Variants in MMEL1 observed in about 807,000 individuals in gnomAD.
The protein encoded by MMEL1 is membrane metallo-endopeptidase-like 1.
A neutral mutation model predicts 117.1 loss-of-function variants in MMEL1; 98 were observed. The ratio of observed to expected loss-of-function variants is 0.84; its 90% CI spans 0.71 to 0.99. MMEL1 has a LOEUF of 0.99. Among genes scored for constraint, MMEL1 ranks in the 50% least tolerant of loss-of-function variants. MMEL1 has a pLI of 0.00. For synonymous variants in MMEL1, 390 were observed against 415.1 expected, an observed-to-expected ratio of 0.94 and a Z score of 0.74; for missense variants, 1,014 against 1,049.1, an observed-to-expected ratio of 0.97 and a Z score of 0.46.
intron 1 of MMEL1, 188 bp from the exon 2 acceptor site, chr1:2,629,709 C>T (rs186194316): frequency 1.1e-5 from 6 of 522,720 alleles, no homozygotes; most frequent in African/African-American, 2.0e-5. Flanking sequence ...ACCCCTGGGC[C>T]GGAATCTCTG....
rs35881431 is a variant in MMEL1, at chr1:2,617,426, C to CAAA, written c.155-5225_155-5223dup. Among the ~76,000 whole-genome samples the CAAA allele has an allele frequency of 2.9e-3, 164 of 56,120 alleles. 14 individuals are homozygous for CAAA. The highest frequency in any genetic ancestry group is 0.012 in the African/African-American group (155 of 13,006). 36.8% of individuals were successfully genotyped at this position (56,120 alleles called of 152,430 possible). A position where few individuals can be genotyped will look rare whatever the true frequency, so the allele number is the denominator to read the frequency against. Reference sequence around the variant, plus strand: ...TGGGCGACAGAGAGAGACTCCGTCTCAAAAAAAAAAAAAAAAAAAAAAAAT... The same window carrying CAAA: ...TGGGCGACAGAGAGAGACTCCGTCTCAAAAAAAAAAAAAAAAAAAAAAAAAAAT... On this transcript the variant is annotated intron_variant, in intron 2 of 23. Transcript: ENST00000378412.
At chr1:2,596,994 A>G (rs1644853577) in intron 13 of MMEL1, among the ~76,000 whole-genome samples, 1 of 151,514 alleles carries the variant, frequency 6.6e-6, no homozygotes, top group Non-Finnish European at 1.5e-5. Flanking sequence ...GCTCTCCAGG[A>G]CTCCAGCCCC....
chr1:2,628,289 C>T lies in MMEL1; in HGVS notation c.154+1042G>A, dbSNP rs552398227. Reference sequence around the variant, plus strand: ...TGTACAGTGGCCAGCCATGCAGCCCCGGGCCGGGACGCCCTGCACATCCAC... The same window carrying T: ...TGTACAGTGGCCAGCCATGCAGCCCTGGGCCGGGACGCCCTGCACATCCAC... On this transcript the variant is annotated intron_variant, in intron 2 of 23. Transcript: ENST00000378412. Among the ~76,000 whole-genome samples the T allele has an allele frequency of 5.9e-5, 9 of 152,360 alleles. No individual in the cohort carries two copies. In the East Asian group the frequency reaches 1.7e-3, roughly 29 times the overall value.
At position 2,604,299 on chromosome 1, in the gene MMEL1, G is replaced by A. The variant is rs778557348; in HGVS notation, c.817-18C>T. On this transcript the variant is annotated intron_variant, in intron 9 of 23. Coordinates refer to ENST00000378412, the MANE Select transcript of MMEL1 (RefSeq NM_033467.4). ...TCCCGCACCTGGGCCAAAGGACGCC[G>A]GGCAGAGCTGGGTGGCCTCAGCCAC... The A allele has an allele frequency of 4.7e-5, 75 of 1,611,064 alleles. No individual in the cohort carries two copies. The highest frequency in any genetic ancestry group is 2.9e-4 in the East Asian group (13 of 44,878).
intron 2 of MMEL1, among the ~76,000 whole-genome samples, chr1:2,624,882 G>A (rs888451006): frequency 2.6e-5 from 4 of 152,186 alleles, no homozygotes; most frequent in African/African-American, 4.8e-5. Context: ...TACAATCATG[G>A]CAGAAGGCAA....
At chr1:2,599,919 G>A (rs529906320) in intron 11 of MMEL1, among the ~76,000 whole-genome samples, 1 of 151,578 alleles carries the variant, frequency 6.6e-6, no homozygotes, top group Admixed American at 6.6e-5. Context: ...TAAAGGAAAT[G>A]TATGAAGCAG....
Position 2,629,509 on chromosome 1 carries a change from A to T in MMEL1, c.-25T>A. On this transcript the variant is annotated 5_prime_UTR_variant, in exon 2 of 24. Transcript: ENST00000378412. The stretch of plus-strand genomic sequence containing the variant: ...TCAGCAGGGCTCTGGACGGGAGAGC[A>T]CCGCGGAGGAACCTGCAGGCCCAGG... The T allele has an allele frequency of 6.9e-7, 1 of 1,447,244 alleles. No homozygotes were observed. The highest frequency in any genetic ancestry group is 9.1e-7 in the Non-Finnish European group (1 of 1,097,452). The allele number at this position is 1,447,244 out of a possible 1,614,324, so 89.7% of individuals were successfully genotyped here. A position where few individuals can be genotyped will look rare whatever the true frequency, so the allele number is the denominator to read the frequency against.
In MMEL1 at chr1:2,629,380, C is replaced by T; in HGVS notation, c.105G>A (p.Leu35=). Reference sequence around the variant, plus strand: ...CCAAGGCCACCAGGGCAGCGGTCACCAGCAGCAGCAGCAGCAGCAGCCCCC... The same window carrying T: ...CCAAGGCCACCAGGGCAGCGGTCACTAGCAGCAGCAGCAGCAGCAGCCCCC... ...LEGGLLLLLL[L]VTAALVALGV... The change falls in exon 2 of 24, where the codon CTG becomes CTA. Residue 35 remains leucine (L), a synonymous_variant. Transcript: ENST00000378412. 1 of 1,311,990 alleles carries T rather than the reference C, an allele frequency of 7.6e-7. No homozygotes were observed. The highest frequency in any genetic ancestry group is 1.7e-5 in the South Asian group (1 of 57,974). The allele number at this position is 1,311,990 out of a possible 1,614,324, so 81.3% of individuals were successfully genotyped here.
intron 6 of MMEL1, among the ~76,000 whole-genome samples, chr1:2,608,884 CAT>C (rs1377443413): frequency 3.3e-5 from 5 of 149,622 alleles, no homozygotes; most frequent in Admixed American, 1.3e-4. Flanking sequence ...CCACATGTAA[CAT>C]ATATAGATAC....
intron 1 of MMEL1, 141 bp downstream of exon 1, chr1:2,632,725 G>T: frequency 2.9e-6 from 1 of 346,632 alleles, no homozygotes; most frequent in Non-Finnish European, 4.1e-6. Flanking sequence ...GCACAGGCGA[G>T]ACTGCACACA....
chr1:2,606,160 G>A (rs1222516492), intron 8 of MMEL1, 88 bp downstream of exon 8: 8 of 1,061,636 alleles, frequency 7.5e-6, no homozygotes, highest in African/African-American at 3.1e-5. Context: ...GCTCCCTGTC[G>A]GCCTGGCCCA....
At chr1:2,592,300 A>AGTG (rs1357579325) in intron 21 of MMEL1, among the ~76,000 whole-genome samples, 2 of 95,820 alleles carry the variant, frequency 2.1e-5, no homozygotes, top group Admixed American at 1.0e-4. Context: ...CCCCTGAGGC[A>AGTG]CTGGTGCCCC....
In MMEL1 at chr1:2,595,690, C is replaced by T. The variant is rs1434870671; in HGVS notation, c.1500+319G>A. On this transcript the variant is annotated intron_variant, in intron 15 of 23. Coordinates refer to ENST00000378412, the MANE Select transcript of MMEL1 (RefSeq NM_033467.4). The surrounding 1 kb of genome is among the most constrained non-coding windows in gnomAD (Gnocchi z 4.8). Reference sequence around the variant, plus strand: ...GGGTCCAGAGGAGCTTCTGGTGGGTCTGACCCTTGCTCCCGAGGCCACCGC... The same window carrying T: ...GGGTCCAGAGGAGCTTCTGGTGGGTTTGACCCTTGCTCCCGAGGCCACCGC... Among the ~76,000 whole-genome samples, 1 of 152,126 alleles carries T rather than the reference C, an allele frequency of 6.6e-6. No individual in the cohort carries two copies. Among genetic ancestry groups the T allele is most frequent in the Non-Finnish European group, 1.5e-5 (1 of 68,006 alleles).
rs556435198 is a variant in MMEL1 at position 2,591,796 on chromosome 1, C to T, written c.2163+136G>A. On this transcript the variant is annotated intron_variant, in intron 22 of 23. Coordinates refer to ENST00000378412, the MANE Select transcript of MMEL1 (RefSeq NM_033467.4). ...CAGCATTGAAATCCTGTCCAGCTCC[C>T]GCCCCCTGCCCCTCATGCTTTTCCC... The T allele has an allele frequency of 7.2e-4, 776 of 1,076,292 alleles. 3 individuals carry two copies. In the African/African-American group the frequency reaches 7.3e-3, roughly 10 times the overall value. 66.7% of individuals were successfully genotyped at this position (1,076,292 alleles called of 1,614,324 possible).
Position 2,594,787 on chromosome 1 carries a change from C to T in MMEL1, c.1688+3G>A. The T allele has an allele frequency of 6.2e-7, 1 of 1,612,330 alleles. No homozygotes were observed. The highest frequency in any genetic ancestry group is 8.5e-7 in the Non-Finnish European group (1 of 1,178,760). ...CCCATGCCGCACCAGCGATGCCACTCACAGATTTGGGTCCACCTTTTCCCG... is the reference window on the plus strand; with the variant it reads ...CCCATGCCGCACCAGCGATGCCACTTACAGATTTGGGTCCACCTTTTCCCG... On this transcript the variant is annotated splice_donor_region_variant and intron_variant, in intron 17 of 23. Coordinates refer to ENST00000378412, the MANE Select transcript of MMEL1 (RefSeq NM_033467.4).
chr1:2,604,378 A>T, intron 9 of MMEL1, 97 bp from the exon 10 acceptor site: 2 of 1,522,782 alleles, frequency 1.3e-6, no homozygotes, highest in Non-Finnish European at 8.9e-7. Flanking sequence ...GACATGGGGA[A>T]GCCCCTAATG....
rs1162554026 is a variant in MMEL1, at chr1:2,592,649, C to G, written c.2067+6G>C. The G allele has an allele frequency of 1.3e-6, 2 of 1,569,750 alleles. No individual in the cohort carries two copies. ...CGCTGACGCCCCCTCCCCTGCCAGGCCCCACCTTATAGGCTTGCCGCACCC... is the reference window on the plus strand; with the variant it reads ...CGCTGACGCCCCCTCCCCTGCCAGGGCCCACCTTATAGGCTTGCCGCACCC... On this transcript the variant is annotated splice_donor_region_variant and intron_variant, in intron 21 of 23. Coordinates refer to ENST00000378412, the MANE Select transcript of MMEL1 (RefSeq NM_033467.4).
At chr1:2,594,208 C>A in intron 18 of MMEL1, 177 bp downstream of exon 18, 1 of 823,488 alleles carries the variant, frequency 1.2e-6, no homozygotes, top group Non-Finnish European at 1.9e-6. Flanking sequence ...CTCCCGAAGC[C>A]GCTCATGGGC....
intron 8 of MMEL1, 95 bp downstream of exon 8, chr1:2,606,153 C>A: frequency 1.0e-6 from 1 of 978,632 alleles, no homozygotes; most frequent in East Asian, 2.4e-5. Flanking sequence ...CCCCGGAGCT[C>A]CCTGTCGGCC....
Sources: allele counts gnomAD v4.1 joint callset (sites outside exome capture counted in the v4.1 genomes callset), GRCh38; gene constraint gnomAD v4.1.1; non-coding constraint Gnocchi (gnomAD v3.1); transcripts MANE v1.5; gene names NCBI Gene and HGNC (gene_info 2026-07-23, HGNC 2026-07-21).